The following AREL1 variants were observed in gnomAD, a reference collection of about 807,000 sequenced individuals.
AREL1 encodes the protein apoptosis-resistant E3 ubiquitin protein ligase 1.
Under a neutral mutation model 99.0 loss-of-function variants are expected in AREL1, and 62 were observed. The observed-to-expected ratio is 0.63, with a 90% confidence interval of 0.51 to 0.77. The LOEUF (loss-of-function observed/expected upper bound fraction) is 0.77, where lower values mean the gene tolerates loss of function less well. Ranked by LOEUF, AREL1 falls within the 30% of genes least tolerant of loss-of-function variation. The pLI is 0.00. For missense variants in AREL1, 879 were observed against 1,027.6 expected, an observed-to-expected ratio of 0.86 and a Z score of 1.98; for synonymous variants, 380 against 376.5, an observed-to-expected ratio of 1.01 and a Z score of -0.11.
rs74959318 is a variant in AREL1, at chr14:74,662,356, A to G, written c.*1364T>C. 2 of 382,004 alleles carry G rather than the reference A, an allele frequency of 5.2e-6. No homozygotes were observed. The highest frequency in any genetic ancestry group is 4.1e-5 in the African/African-American group (2 of 48,308). 23.7% of individuals were successfully genotyped at this position (382,004 alleles called of 1,614,324 possible). On this transcript the variant is annotated 3_prime_UTR_variant, in exon 20 of 20. Coordinates refer to ENST00000356357, the MANE Select transcript of AREL1 (RefSeq NM_001039479.2). ...GGTTTTGGCAATAAAGATGGCTTGT[A>G]ATATTCTCAGAGTTGACTGCCCCAT... is the stretch of plus-strand genomic sequence containing the variant.
intron 1 of AREL1, among the ~76,000 whole-genome samples, chr14:74,704,551 G>C (rs1383591028): frequency 1.3e-5 from 2 of 152,106 alleles, no homozygotes; most frequent in African/African-American, 2.4e-5. Flanking sequence ...GGATGACTCT[G>C]AACAGAATGA....
At chr14:74,667,726 A>C (rs1373089440) in intron 15 of AREL1, 132 bp from the exon 16 acceptor site, 1 of 1,208,126 alleles carries the variant, frequency 8.3e-7, no homozygotes, top group African/African-American at 1.5e-5. Context: ...TCTGCTGTGC[A>C]TTCAGCTTTT....
chr14:74,699,912 A>G (rs2090051510), intron 1 of AREL1, among the ~76,000 whole-genome samples: 1 of 152,194 alleles, frequency 6.6e-6, no homozygotes, highest in Admixed American at 6.5e-5. Flanking sequence ...CTGAAACTTT[A>G]CACCCAGGTG....
chr14:74,674,198 T>C (rs2089420741), intron 8 of AREL1, 87 bp from the exon 9 acceptor site: 1 of 1,109,308 alleles, frequency 9.0e-7, no homozygotes, highest in Non-Finnish European at 1.3e-6. Context: ...ATAGTCCCTA[T>C]TTACATTTCT....
chr14:74,673,220 T>C lies in AREL1; in HGVS notation c.1159-2A>G. The C allele has an allele frequency of 1.9e-6, 3 of 1,613,562 alleles. No individual in the cohort carries two copies. The highest frequency in any genetic ancestry group is 1.7e-6 in the Non-Finnish European group (2 of 1,179,950). On this transcript the variant is annotated splice_acceptor_variant, in intron 9 of 19. Coordinates refer to ENST00000356357, the MANE Select transcript of AREL1 (RefSeq NM_001039479.2). LOFTEE classifies it high-confidence loss of function. ...AGGGTCAGGACCAAGGTATGAAAAC[T>C]GGTAAAGAAAAACAAAGAAATTAAT...
intron 2 of AREL1, among the ~76,000 whole-genome samples, chr14:74,689,469 C>A (rs2089821672): frequency 6.6e-6 from 1 of 152,176 alleles, no homozygotes; most frequent in South Asian, 2.1e-4. Context: ...ATCTCCTGAT[C>A]CTGAGGTCTA....
chr14:74,701,478 T>C (rs1329317309), intron 1 of AREL1, among the ~76,000 whole-genome samples: 1 of 152,080 alleles, frequency 6.6e-6, no homozygotes, highest in Non-Finnish European at 1.5e-5. Flanking sequence ...AATCATCAGA[T>C]CTTGTGAGAC....
At chr14:74,678,008 G>T (rs1383232622) in intron 5 of AREL1, among the ~76,000 whole-genome samples, 1 of 152,130 alleles carries the variant, frequency 6.6e-6, no homozygotes, top group Non-Finnish European at 1.5e-5. Context: ...ACATAGTACA[G>T]ATGTCAATTT....
At chr14:74,685,370 T>G (rs1370710468) in intron 3 of AREL1, among the ~76,000 whole-genome samples, 1 of 152,206 alleles carries the variant, frequency 6.6e-6, no homozygotes, top group Non-Finnish European at 1.5e-5. Flanking sequence ...AGGCAGATTT[T>G]TGTCTTATTC....
At chr14:74,685,097 T>C (rs1412526560) in intron 3 of AREL1, among the ~76,000 whole-genome samples, 1 of 152,216 alleles carries the variant, frequency 6.6e-6, no homozygotes, top group Non-Finnish European at 1.5e-5. Context: ...ATGTCCGCCC[T>C]GCTCCCTACC....
chr14:74,699,079 A>G (rs1173089081), intron 1 of AREL1, among the ~76,000 whole-genome samples: 2 of 152,164 alleles, frequency 1.3e-5, no homozygotes, highest in Non-Finnish European at 2.9e-5. Context: ...GATGACTACC[A>G]TGTAGTGGTT....
chr14:74,674,045 GACAC>G lies in AREL1; in HGVS notation c.1143_1146del (p.Cys382GlnfsTer39). 6.2e-7 allele frequency: 1 copy of G among 1,612,648 alleles called. No homozygotes were observed. The highest frequency in any genetic ancestry group is 8.5e-7 in the Non-Finnish European group (1 of 1,178,748). ...AAGGTTCAGCTTACTTTTGTTCCTG[GACAC>G]ACTCGGAAGGTGTAAAGGCGCCAGG... On this transcript the variant is annotated frameshift_variant, in exon 9 of 20. Coordinates refer to ENST00000356357, the MANE Select transcript of AREL1 (RefSeq NM_001039479.2). LOFTEE classifies it high-confidence loss of function.
At chr14:74,696,351 G>A (rs1279208150) in intron 1 of AREL1, among the ~76,000 whole-genome samples, 2 of 152,006 alleles carry the variant, frequency 1.3e-5, no homozygotes, top group Non-Finnish European at 2.9e-5. Flanking sequence ...TGACTTGATG[G>A]CTTTATTCTT....
chr14:74,692,434 G>A, intron 1 of AREL1, 106 bp from the exon 2 acceptor site: 1 of 331,968 alleles, frequency 3.0e-6, no homozygotes, highest in African/African-American at 2.2e-5. Flanking sequence ...GGAAACCCTG[G>A]GACACTAAAA....
intron 18 of AREL1, among the ~76,000 whole-genome samples, chr14:74,664,613 A>ATTT (rs747317541): frequency 1.2e-3 from 145 of 117,966 alleles, no homozygotes; most frequent in Middle Eastern, 4.3e-3. Flanking sequence ...CACCCAGCTA[A>ATTT]TTTTTTTTTT....
At chr14:74,665,874 T>G (rs2089199344) in intron 17 of AREL1, among the ~76,000 whole-genome samples, 1 of 152,226 alleles carries the variant, frequency 6.6e-6, no homozygotes, top group Non-Finnish European at 1.5e-5. Flanking sequence ...AAGAACTTGC[T>G]AAGCTGACCA....
chr14:74,667,561 G>C lies in AREL1; in HGVS notation c.1948C>G (p.Pro650Ala), dbSNP rs1463445963. The change falls in exon 16 of 20, where the codon CCA becomes GCA. Residue 650 changes from proline (P) to alanine (A), a missense_variant. Physicochemically the swap from Pro to Ala is conservative, Grantham distance 27 (BLOSUM62 -1). Coordinates refer to ENST00000356357, the MANE Select transcript of AREL1 (RefSeq NM_001039479.2). ...VELMTGGAQT[P>A]VTNANKIFYL... ...AAGATTTTATTCGCATTGGTGACTG[G>C]AGTTTGAGCTCCACCTGTCATGAGT... 3.7e-6 allele frequency: 6 copies of C among 1,613,650 alleles called. No homozygotes were observed. Among genetic ancestry groups the C allele is most frequent in the South Asian group, 1.1e-5 (1 of 90,966 alleles).
At chr14:74,689,515 T>G (rs1400954130) in intron 2 of AREL1, among the ~76,000 whole-genome samples, 1 of 151,408 alleles carries the variant, frequency 6.6e-6, no homozygotes, top group Non-Finnish European at 1.5e-5. Context: ...AAATCTTCCC[T>G]AATATTAAAT....
At chr14:74,674,880 C>G (rs1475495051) in intron 8 of AREL1, among the ~76,000 whole-genome samples, 1 of 152,052 alleles carries the variant, frequency 6.6e-6, no homozygotes, top group African/African-American at 2.4e-5. Context: ...GGAAGGGAGG[C>G]AAGATGGGGT....
Sources: allele counts gnomAD v4.1 joint callset (sites outside exome capture counted in the v4.1 genomes callset), GRCh38; gene constraint gnomAD v4.1.1; transcripts MANE v1.5; gene names NCBI Gene and HGNC (gene_info 2026-07-23, HGNC 2026-07-21).